Variants in XPC observed in about 807,000 individuals in gnomAD.
XPC encodes XPC complex subunit, DNA damage recognition and repair factor.
XPC carries 76 observed loss-of-function variants against 95.8 expected under a neutral mutation model. The ratio of observed to expected loss-of-function variants is 0.79; its 90% CI spans 0.66 to 0.96. The LOEUF (loss-of-function observed/expected upper bound fraction) is 0.96. XPC is among the 40% of genes least tolerant of loss of function. The pLI, the probability that XPC is intolerant of heterozygous loss-of-function variation, is 0.00. For synonymous variants in XPC, 442 were observed against 442.1 expected (o/e 1.00, Z 0.00); for missense variants, 1,146 against 1,179.8 (o/e 0.97, Z 0.42).
intron 11 of XPC, 88 bp downstream of exon 11, chr3:14,152,247 C>T: frequency 1.7e-6 from 2 of 1,148,548 alleles, no homozygotes; most frequent in Admixed American, 4.4e-5. Context: ...GACTGGGAGG[C>T]TCATCATCAC....
Position 14,167,151 on chromosome 3 carries a change from A to G in XPC, c.621+18T>C. On this transcript the variant is annotated intron_variant, in intron 5 of 15. Coordinates refer to ENST00000285021, the MANE Select transcript of XPC (RefSeq NM_004628.5). ...CACCGACAAGGAAAAGTCCTTCCCCATCATTCCTTGCCCTTACCTTGTGTG... is the reference window on the plus strand; with the variant it reads ...CACCGACAAGGAAAAGTCCTTCCCCGTCATTCCTTGCCCTTACCTTGTGTG... The G allele has an allele frequency of 1.3e-6, 2 of 1,558,428 alleles. No individual in the cohort carries two copies. Among genetic ancestry groups the G allele is most frequent in the South Asian group, 2.4e-5 (2 of 83,822 alleles).
Position 14,148,948 on chromosome 3 carries a change from T to C in XPC, c.2116A>G (p.Met706Val). 6.2e-7 allele frequency: 1 copy of C among 1,613,976 alleles called. No individual in the cohort carries two copies. Among genetic ancestry groups the C allele is most frequent in the Non-Finnish European group, 8.5e-7 (1 of 1,179,868 alleles). ...VVRLGEVPYK[M>V]VKGFSNRARK... is the part of the protein sequence containing the mutation. ...GCACGGTTAGAAAAGCCTTTCACCA[T>C]CTGCACCAGAGGACACGGCCACCGT... The change falls in exon 12 of 16, where the codon ATG becomes GTG. Residue 706 changes from methionine (M) to valine (V), a missense_variant and splice_region_variant. By Grantham distance (21) the Met-to-Val change is conservative (BLOSUM62 1). Coordinates refer to ENST00000285021, the MANE Select transcript of XPC (RefSeq NM_004628.5).
rs11544007 is a variant in XPC at position 14,145,403 on chromosome 3, C to T, written c.*538G>A. 21 of 699,228 alleles carry T rather than the reference C, an allele frequency of 3.0e-5. No homozygotes were observed. The highest frequency in any genetic ancestry group is 3.0e-4 in the South Asian group (20 of 67,410). The allele number at this position is 699,228 out of a possible 1,614,324, so 43.3% of individuals were successfully genotyped here. ...ATGACCTGTACTTCTCTGCTCTCTC[C>T]CCTACTGCAAAGAGGCAGTGAGGGC... On this transcript the variant is annotated 3_prime_UTR_variant, in exon 16 of 16. Coordinates refer to ENST00000285021, the MANE Select transcript of XPC (RefSeq NM_004628.5).
At chr3:14,159,888 T>A (rs1252905907) in intron 7 of XPC, 58 bp from the exon 8 acceptor site, 2 of 1,482,968 alleles carry the variant, frequency 1.3e-6, no homozygotes, top group African/African-American at 2.8e-5. Flanking sequence ...ATGTAATGAG[T>A]TCAATGTTGT....
chr3:14,149,081 T>C, intron 11 of XPC, 133 bp from the exon 12 acceptor site: 1 of 1,307,270 alleles, frequency 7.6e-7, no homozygotes, highest in Non-Finnish European at 1.0e-6. Flanking sequence ...CTGGGGTGCT[T>C]TTTCTCCCTT....
intron 2 of XPC, among the ~76,000 whole-genome samples, chr3:14,170,811 T>C (rs533626917): frequency 1.3e-5 from 2 of 152,132 alleles, no homozygotes; most frequent in East Asian, 1.9e-4. Flanking sequence ...AAAGAAAACA[T>C]AGCTGTGCCT....
At chr3:14,156,313 C>A in intron 10 of XPC, 22 bp downstream of exon 10, 1 of 1,603,084 alleles carries the variant, frequency 6.2e-7, no homozygotes, top group Non-Finnish European at 8.5e-7. Context: ...GCCCCTGAGG[C>A]CAACCAGGCT....
At chr3:14,167,866 T>G (rs1434415310) in intron 4 of XPC, among the ~76,000 whole-genome samples, 1 of 152,206 alleles carries the variant, frequency 6.6e-6, no homozygotes, top group Non-Finnish European at 1.5e-5. Context: ...CAGCATGACA[T>G]GGTGAGGAAA....
At chr3:14,163,394 C>T (rs1007426869) in intron 7 of XPC, among the ~76,000 whole-genome samples, 6 of 152,260 alleles carry the variant, frequency 3.9e-5, no homozygotes, top group African/African-American at 1.4e-4. Context: ...AATGTATAAA[C>T]ATGTAATGGA....
At chr3:14,163,260 C>A (rs1696233791) in intron 7 of XPC, among the ~76,000 whole-genome samples, 1 of 151,806 alleles carries the variant, frequency 6.6e-6, no homozygotes, top group African/African-American at 2.4e-5. Context: ...AGGTATATAC[C>A]CAAAAGAACA....
chr3:14,151,156 G>A (rs978289539), intron 11 of XPC, among the ~76,000 whole-genome samples: 3 of 152,192 alleles, frequency 2.0e-5, no homozygotes, highest in Admixed American at 6.5e-5. Flanking sequence ...CACCAGTCAC[G>A]TGTGGCCACT....
intron 13 of XPC, 39 bp from the exon 14 acceptor site, chr3:14,148,040 T>C (rs1695518272): frequency 4.7e-6 from 7 of 1,501,000 alleles, no homozygotes; most frequent in East Asian, 2.5e-5. Context: ...TCGAACCTGC[T>C]GCCTGCTCTG....
At chr3:14,160,176 T>C (rs1696112095) in intron 7 of XPC, among the ~76,000 whole-genome samples, 2 of 152,224 alleles carry the variant, frequency 1.3e-5, no homozygotes, top group African/African-American at 4.8e-5. Flanking sequence ...GGTGTTTACA[T>C]GCTTTTTTTC....
rs767903129 is a variant in XPC, at chr3:14,158,632, C to G, written c.1251G>C (p.Pro417=). 1.9e-6 allele frequency: 3 copies of G among 1,613,858 alleles called. No individual in the cohort carries two copies. Among genetic ancestry groups the G allele is most frequent in the Non-Finnish European group, 2.5e-6 (3 of 1,179,886 alleles). The change falls in exon 9 of 16, where the codon CCG becomes CCC. Residue 417 remains proline, a synonymous_variant. Transcript: ENST00000285021. The surrounding 1 kb of genome is among the most constrained non-coding windows in gnomAD (Gnocchi z 5.2). The part of the protein sequence containing the change: ...DKQEKATQRR[P]HGRERRVASR... ...AGGCCACCCGCCGCTCCCGGCCATG[C>G]GGACGTCGCTGGGTTGCCTTCTCCT...
chr3:14,158,441 T>C lies in XPC; in HGVS notation c.1442A>G (p.Lys481Arg), dbSNP rs1338825279. ...PAPQRTKAGS[K>R]SASRTHRGSH... ...CCCACGATGGGTCCTGGAGGCACTC[T>C]TGGACCCAGCCTTTGTCCTCTGAGG... The change falls in exon 9 of 16, where the codon AAG becomes AGG. Residue 481 changes from lysine to arginine, a missense_variant. Lys to Arg is a conservative substitution (Grantham distance 26, BLOSUM62 2). Coordinates refer to ENST00000285021, the MANE Select transcript of XPC (RefSeq NM_004628.5). The surrounding 1 kb of genome is among the most constrained non-coding windows in gnomAD (Gnocchi z 5.2). 2.5e-6 allele frequency: 4 copies of C among 1,613,782 alleles called. No homozygotes were observed. The highest frequency in any genetic ancestry group is 2.7e-5 in the African/African-American group (2 of 75,028).
chr3:14,148,058 T>A, intron 13 of XPC, 57 bp from the exon 14 acceptor site: 1 of 1,446,000 alleles, frequency 6.9e-7, no homozygotes, highest in Non-Finnish European at 9.4e-7. Flanking sequence ...CTGCCTCTCC[T>A]CCCTCCCCAG....
chr3:14,161,180 C>A (rs926785315), intron 7 of XPC, among the ~76,000 whole-genome samples: 5 of 152,132 alleles, frequency 3.3e-5, no homozygotes, highest in Non-Finnish European at 7.3e-5. Context: ...AATAACAGAT[C>A]GAGTCAGAAC....
At chr3:14,166,641 A>T (rs972990153) in intron 5 of XPC, among the ~76,000 whole-genome samples, 1 of 151,948 alleles carries the variant, frequency 6.6e-6, no homozygotes, top group Non-Finnish European at 1.5e-5. Flanking sequence ...TTTCCCCTAC[A>T]TAAAGCCTTC....
At chr3:14,176,029 A>T (rs146331233) in intron 1 of XPC, among the ~76,000 whole-genome samples, 1 of 152,350 alleles carries the variant, frequency 6.6e-6, no homozygotes, top group African/African-American at 2.4e-5. Context: ...GTAAAGCTAA[A>T]GCTCTTGGCT....
Sources: gnomAD v4.1 joint callset for allele counts (sites outside exome capture counted in the v4.1 genomes callset) on GRCh38, gnomAD v4.1.1 for gene constraint, Gnocchi (gnomAD v3.1) non-coding constraint, MANE v1.5 for transcripts, NCBI Gene and HGNC (gene_info 2026-07-23, HGNC 2026-07-21) for gene names.